GRID2: variants seen among roughly 807,000 people sequenced by gnomAD.
GRID2 encodes the protein glutamate ionotropic receptor delta type subunit 2.
A neutral mutation model predicts 114.8 loss-of-function variants in GRID2; 33 were observed. The observed-to-expected ratio is 0.29, with a 90% CI of 0.22 to 0.38. GRID2 has a LOEUF of 0.38. Ranked by LOEUF, GRID2 falls within the 10% of genes least tolerant of loss-of-function variation. The pLI is 1.00. For synonymous variants in GRID2, 505 were observed against 449.9 expected, an observed-to-expected ratio of 1.12 and a Z score of -1.55; for missense variants, 1,184 against 1,257.7, an observed-to-expected ratio of 0.94 and a Z score of 0.89.
At chr4:93,174,532 C>A (rs553609198) in intron 4 of GRID2, among the ~76,000 whole-genome samples, 9 of 152,144 alleles carry the variant, frequency 5.9e-5, no homozygotes, top group Non-Finnish European at 1.0e-4. Flanking sequence ...GCTTTAACCC[C>A]CGATATGACT....
chr4:93,017,810 A>C (rs1402842714), intron 2 of GRID2, among the ~76,000 whole-genome samples: 1 of 149,698 alleles, frequency 6.7e-6, no homozygotes, highest in Non-Finnish European at 1.5e-5. Context: ...TTTCAAGAAA[A>C]AAAAAAAAAA....
At chr4:92,946,132 T>C (rs1437375954) in intron 2 of GRID2, among the ~76,000 whole-genome samples, 1 of 152,136 alleles carries the variant, frequency 6.6e-6, no homozygotes, top group Non-Finnish European at 1.5e-5. Flanking sequence ...CTTCAACCGC[T>C]GTTTCCTTAA....
chr4:92,336,908 C>T (rs1727202562), intron 1 of GRID2, among the ~76,000 whole-genome samples: 1 of 146,068 alleles, frequency 6.8e-6, no homozygotes, highest in Non-Finnish European at 1.5e-5. Context: ...TATTTCCTCA[C>T]TGGAGTCTTT....
intron 8 of GRID2, among the ~76,000 whole-genome samples, chr4:93,253,627 A>G (rs964487751): frequency 1.3e-4 from 20 of 152,280 alleles, no homozygotes; most frequent in African/African-American, 4.8e-4. Context: ...TAACTGAAGA[A>G]GTAATACAGA....
chr4:93,277,542 TTAAAA>T (rs1184232032), intron 8 of GRID2, among the ~76,000 whole-genome samples: 1 of 151,998 alleles, frequency 6.6e-6, no homozygotes, highest in African/African-American at 2.4e-5. Context: ...TATGAAAACT[TTAAAA>T]TAACTATAGT....
intron 2 of GRID2, among the ~76,000 whole-genome samples, chr4:92,785,608 G>A (rs1057252329): frequency 7.3e-5 from 11 of 151,640 alleles, no homozygotes; most frequent in Non-Finnish European, 7.4e-5. Context: ...GATTGTTCCT[G>A]TATTTCTTTG....
intron 4 of GRID2, among the ~76,000 whole-genome samples, chr4:93,161,261 C>G (rs891987503): frequency 2.6e-5 from 4 of 151,740 alleles, no homozygotes; most frequent in African/African-American, 9.7e-5. Flanking sequence ...GAATTTTGAC[C>G]TCTTAGAAAT....
intron 13 of GRID2, among the ~76,000 whole-genome samples, chr4:93,543,192 G>T (rs1371625456): frequency 6.6e-6 from 1 of 152,068 alleles, no homozygotes; most frequent in African/African-American, 2.4e-5. Context: ...ATTGAATTTG[G>T]ATGCTCTATG....
intron 2 of GRID2, among the ~76,000 whole-genome samples, chr4:93,064,970 G>A (rs1728163353): frequency 6.6e-6 from 1 of 151,730 alleles, no homozygotes; most frequent in African/African-American, 2.4e-5. Flanking sequence ...TTTATAAATG[G>A]AAATGATACT....
At chr4:93,359,254 G>T (rs1761643165) in intron 8 of GRID2, among the ~76,000 whole-genome samples, 2 of 151,534 alleles carry the variant, frequency 1.3e-5, no homozygotes, top group South Asian at 2.1e-4. Flanking sequence ...TTTGAAACTT[G>T]TTTGCAATTT....
intron 7 of GRID2, among the ~76,000 whole-genome samples, chr4:93,228,553 AC>A (rs1044090675): frequency 1.5e-4 from 23 of 152,298 alleles, no homozygotes; most frequent in African/African-American, 5.1e-4. Flanking sequence ...GCTGTTATCA[AC>A]AAAAGTACTT....
chr4:93,244,165 C>T (rs912246582), intron 8 of GRID2, among the ~76,000 whole-genome samples: 3 of 151,910 alleles, frequency 2.0e-5, no homozygotes, highest in African/African-American at 7.2e-5. Flanking sequence ...AGACTGAATT[C>T]CAGTATTAAA....
intron 14 of GRID2, among the ~76,000 whole-genome samples, chr4:93,669,952 AT>A (rs1234007237): frequency 1.3e-5 from 2 of 152,076 alleles, no homozygotes; most frequent in African/African-American, 4.8e-5. Context: ...TAAAATTCCA[AT>A]GCTATACCCT....
intron 2 of GRID2, among the ~76,000 whole-genome samples, chr4:93,079,565 C>G (rs896625424): frequency 5.3e-5 from 8 of 151,882 alleles, no homozygotes; most frequent in Non-Finnish European, 7.4e-5. Flanking sequence ...GTTTGAACCC[C>G]AACTCTGCCA....
At chr4:92,842,113 A>G (rs1347190426) in intron 2 of GRID2, among the ~76,000 whole-genome samples, 2 of 152,122 alleles carry the variant, frequency 1.3e-5, no homozygotes, top group Non-Finnish European at 2.9e-5. Context: ...GCATGATGCT[A>G]TGCTTGTAAA....
intron 13 of GRID2, among the ~76,000 whole-genome samples, chr4:93,572,196 TG>T (rs1735988778): frequency 6.6e-6 from 1 of 152,122 alleles, no homozygotes; most frequent in Non-Finnish European, 1.5e-5. Context: ...GCAAAACTCT[TG>T]AACTATCTGA....
chr4:92,930,786 A>G (rs185568731), intron 2 of GRID2, among the ~76,000 whole-genome samples: 1 of 151,212 alleles, frequency 6.6e-6, no homozygotes, highest in East Asian at 1.9e-4. Flanking sequence ...GTTAACTTTC[A>G]TTTGAAATAA....
At chr4:93,275,357 G>C (rs1751936340) in intron 8 of GRID2, among the ~76,000 whole-genome samples, 1 of 151,396 alleles carries the variant, frequency 6.6e-6, no homozygotes, top group Admixed American at 6.6e-5. Flanking sequence ...CCTCCATTAT[G>C]AATAATGCTG....
intron 14 of GRID2, among the ~76,000 whole-genome samples, chr4:93,727,315 C>G (rs558857140): frequency 1.0e-3 from 157 of 152,300 alleles, no homozygotes; most frequent in African/African-American, 3.6e-3. Flanking sequence ...TTGAACCAGC[C>G]TTGCATCCCA....
Sources: gnomAD v4.1 joint callset for allele counts (sites outside exome capture counted in the v4.1 genomes callset) on GRCh38, gnomAD v4.1.1 for gene constraint, MANE v1.5 for transcripts, NCBI Gene and HGNC (gene_info 2026-07-23, HGNC 2026-07-21) for gene names.